PCDHGA4: variants seen among roughly 807,000 people sequenced by gnomAD.
PCDHGA4 encodes the protein protocadherin gamma subfamily A, 4, also known as protocadherin gamma-A4.
A neutral mutation model predicts 54.6 loss-of-function variants in PCDHGA4; 38 were observed. The observed-to-expected ratio is 0.70, with a 90% confidence interval of 0.54 to 0.91. PCDHGA4 has a LOEUF of 0.91. Among genes scored for constraint, PCDHGA4 ranks in the 40% least tolerant of loss-of-function variants. PCDHGA4 has a pLI of 0.00. For missense variants in PCDHGA4, 1,298 were observed against 1,220.9 expected, an observed-to-expected ratio of 1.06 and a Z score of -0.94; for synonymous variants, 511 against 512.9, an observed-to-expected ratio of 1.00 and a Z score of 0.05.
At position 141,510,984 on chromosome 5, in the gene PCDHGA4, C is replaced by T. The variant is rs375865663; in HGVS notation, c.2700C>T (p.Ala900=). The change falls in exon 4 of 4, where the codon GCC becomes GCT. Residue 900 remains alanine (A), a synonymous_variant. Coordinates refer to ENST00000571252, the MANE Select transcript of PCDHGA4 (RefSeq NM_018917.4). ...GGAGCTCCACCCTGGGAGGGGGTGC[C>T]GGCACCATGGGATTGAGCGCCCGCT... The part of the protein sequence containing the change: ...ADGSSTLGGG[A]GTMGLSARYG... 20 of 1,614,044 alleles carry T rather than the reference C, an allele frequency of 1.2e-5. No homozygotes were observed. The East Asian group carries it at 1.6e-4, about 13-fold the overall frequency.
chr5:141,509,255 T>A (rs1434555633), intron 3 of PCDHGA4, among the ~76,000 whole-genome samples: 1 of 152,158 alleles, frequency 6.6e-6, no homozygotes, highest in African/African-American at 2.4e-5. Flanking sequence ...CCTCTCCGGC[T>A]TTAGTCACTC....
rs747077639 is a variant in PCDHGA4, at chr5:141,432,371, G to C, written c.2515-62436G>C. 2 of 1,614,234 alleles carry C rather than the reference G, an allele frequency of 1.2e-6. No individual in the cohort carries two copies. The highest frequency in any genetic ancestry group is 1.6e-4 in the Middle Eastern group (1 of 6,062). ...AGTGAAAGTGATGGCGCGGGACAAC[G>C]GGCACCCGCCCCTCAGCAGCAACGT... On this transcript the variant is annotated intron_variant, in intron 1 of 3. Transcript: ENST00000571252. The surrounding 1 kb of genome is among the most constrained non-coding windows in gnomAD (Gnocchi z 6.0).
At chr5:141,410,619 C>T (rs757187051) in intron 1 of PCDHGA4, 8 of 1,603,614 alleles carry the variant, frequency 5.0e-6, no homozygotes, top group Admixed American at 3.3e-5. Flanking sequence ...ACTCTGACTT[C>T]GGTGAGTTTC....
rs1293684074 is a variant in PCDHGA4 at position 141,512,899 on chromosome 5, C to T, written c.*1726C>T. On this transcript the variant is annotated 3_prime_UTR_variant, in exon 4 of 4. Transcript: ENST00000571252. ...CCCACCCCACCCTCTTCCTGTGTCT[C>T]ACGCAAGTTTTATACTCTAATATTT... 1 of 152,260 alleles carries T rather than the reference C, an allele frequency of 6.6e-6. No homozygotes were observed. Among genetic ancestry groups the T allele is most frequent in the Non-Finnish European group, 1.5e-5 (1 of 68,064 alleles). 9.4% of individuals were successfully genotyped at this position (152,260 alleles called of 1,614,324 possible). A position where few individuals can be genotyped will look rare whatever the true frequency, so the allele number is the denominator to read the frequency against.
intron 1 of PCDHGA4, chr5:141,385,194 G>A (rs1274561417): frequency 1.2e-6 from 2 of 1,614,124 alleles, no homozygotes; most frequent in Non-Finnish European, 1.7e-6. Flanking sequence ...ACTCTCGGAA[G>A]AGTCACCTGA....
At chr5:141,502,274 A>G (rs573517581) in intron 2 of PCDHGA4, among the ~76,000 whole-genome samples, 18 of 152,128 alleles carry the variant, frequency 1.2e-4, no homozygotes, top group African/African-American at 4.1e-4. Context: ...ATCAAGGAGC[A>G]TAGATTGCAT....
chr5:141,419,842 C>A, intron 1 of PCDHGA4: 1 of 1,614,074 alleles, frequency 6.2e-7, no homozygotes, highest in South Asian at 1.1e-5. Flanking sequence ...CCACGCTGCA[C>A]CTGGTGTTCG....
At position 141,476,503 on chromosome 5, in the gene PCDHGA4, C is replaced by T. The variant is rs1259213742; in HGVS notation, c.2515-18304C>T. 2 of 1,614,138 alleles carry T rather than the reference C, an allele frequency of 1.2e-6. No individual in the cohort carries two copies. ...TGGAAGTGGTGATCCAGGACATCAA[C>T]GACAACAATCCTGCTTTCCCTACCC... On this transcript the variant is annotated intron_variant, in intron 1 of 3. Transcript: ENST00000571252. The surrounding 1 kb of genome is among the most constrained non-coding windows in gnomAD (Gnocchi z 7.6).
chr5:141,505,570 C>A, intron 3 of PCDHGA4, 89 bp downstream of exon 3: 1 of 1,598,160 alleles, frequency 6.3e-7, no homozygotes, highest in South Asian at 1.1e-5. Context: ...GACTGGATGT[C>A]AAACCTGTGT....
rs989554651 is a variant in PCDHGA4 at position 141,372,743 on chromosome 5, T to C, written c.2514+15122T>C. 8 of 1,613,498 alleles carry C rather than the reference T, an allele frequency of 5.0e-6. No homozygotes were observed. In the Admixed American group the frequency reaches 5.0e-5, roughly 10 times the overall value. On this transcript the variant is annotated intron_variant, in intron 1 of 3. Transcript: ENST00000571252. ...CTGCACCACAAGATCTTCTATGTGA[T>C]GAAGCCTCTTGGTTTGAAAGTAATG...
intron 1 of PCDHGA4, 197 bp downstream of exon 1, chr5:141,357,818 C>G: frequency 4.2e-6 from 3 of 707,928 alleles, no homozygotes; most frequent in Non-Finnish European, 6.8e-6. Flanking sequence ...ATTACTTATC[C>G]TTTTTGGTCT....
intron 2 of PCDHGA4, among the ~76,000 whole-genome samples, chr5:141,504,128 G>A (rs914138294): frequency 2.6e-5 from 4 of 151,992 alleles, no homozygotes; most frequent in African/African-American, 9.7e-5. Context: ...GCTGTTTCCC[G>A]CCAACACTCC....
At chr5:141,360,030 A>T in intron 1 of PCDHGA4, 6 of 1,381,784 alleles carry the variant, frequency 4.3e-6, no homozygotes, top group Non-Finnish European at 5.8e-6. Flanking sequence ...GCCAGTATAG[A>T]TTCGGAAACA....
intron 1 of PCDHGA4, chr5:141,388,503 TC>T (rs1405490200): frequency 6.2e-7 from 1 of 1,613,782 alleles, no homozygotes; most frequent in Admixed American, 1.7e-5. Context: ...AAAGCAGAAA[TC>T]CTACCACTTG....
intron 1 of PCDHGA4, among the ~76,000 whole-genome samples, chr5:141,380,589 G>C (rs1372737584): frequency 6.6e-6 from 1 of 152,156 alleles, no homozygotes; most frequent in South Asian, 2.1e-4. Flanking sequence ...GTCTAGTAAA[G>C]ATCTTTAATA....
intron 1 of PCDHGA4, chr5:141,366,238 C>A (rs376279746): frequency 1.8e-4 from 297 of 1,613,786 alleles, no homozygotes; most frequent in Non-Finnish European, 2.3e-4. Flanking sequence ...TGGACAGAGA[C>A]GCGCTCAAGC....
Position 141,505,420 on chromosome 5 carries a change from C to G in PCDHGA4, c.2601C>G (p.Thr867=), listed in dbSNP as rs1236398971. 6.2e-7 allele frequency: 1 copy of G among 1,614,102 alleles called. No individual in the cohort carries two copies. Among genetic ancestry groups the G allele is most frequent in the Non-Finnish European group, 8.5e-7 (1 of 1,180,034 alleles). ...SGSQNGDDTG[T]WPNNQFDTEM... is the part of the protein sequence containing the mutation. ...CCCAAAATGGCGATGACACCGGCACCTGGCCCAACAACCAGTTTGACACAG... is the reference window on the plus strand; with the variant it reads ...CCCAAAATGGCGATGACACCGGCACGTGGCCCAACAACCAGTTTGACACAG... The change falls in exon 3 of 4, where the codon ACC becomes ACG. Residue 867 remains threonine (T), a synonymous_variant. Coordinates refer to ENST00000571252, the MANE Select transcript of PCDHGA4 (RefSeq NM_018917.4).
At chr5:141,472,849 G>C (rs966051912) in intron 1 of PCDHGA4, among the ~76,000 whole-genome samples, 1 of 151,340 alleles carries the variant, frequency 6.6e-6, no homozygotes, top group East Asian at 2.0e-4. Flanking sequence ...AGCTGGGCAT[G>C]GTGGCACATG....
chr5:141,441,865 G>T, intron 1 of PCDHGA4: 1 of 345,726 alleles, frequency 2.9e-6, no homozygotes. Context: ...GCACGCCGCG[G>T]AGCCTGGCTA....
Sources: gnomAD v4.1 joint callset for allele counts (sites outside exome capture counted in the v4.1 genomes callset) on GRCh38, gnomAD v4.1.1 for gene constraint, Gnocchi (gnomAD v3.1) non-coding constraint, MANE v1.5 for transcripts, NCBI Gene and HGNC (gene_info 2026-07-23, HGNC 2026-07-21) for gene names.